Variants in IRAG2 observed in about 807,000 individuals in gnomAD.
IRAG2 encodes the protein inositol 1,4,5-triphosphate receptor associated 2.
IRAG2 carries 45 observed loss-of-function variants against 69.9 expected under a neutral mutation model. The observed-to-expected ratio is 0.64, with a 90% CI of 0.51 to 0.83. IRAG2 has a LOEUF of 0.83. Among genes scored for constraint, IRAG2 ranks in the 40% least tolerant of loss-of-function variants. The pLI is 0.00. For synonymous variants in IRAG2, 193 were observed against 202.4 expected, an observed-to-expected ratio of 0.95 and a Z score of 0.40; for missense variants, 520 against 587.0, an observed-to-expected ratio of 0.89 and a Z score of 1.18.
chr12:25,039,165 T>A (rs1944726880), intron 16 of IRAG2, among the ~76,000 whole-genome samples: 1 of 152,186 alleles, frequency 6.6e-6, no homozygotes, highest in African/African-American at 2.4e-5. Flanking sequence ...TGAACACAGG[T>A]ATATATTTCA....
At chr12:25,047,772 C>T (rs1944807876), upstream of IRAG2, among the ~76,000 whole-genome samples, 1 of 152,140 alleles carries the variant, frequency 6.6e-6, no homozygotes, top group South Asian at 2.1e-4. Context: ...CCATCCATGT[C>T]CCTGCAAAGG....
At chr12:25,005,242 A>T in exon 2 of IRAG2, 8 of 1,216,216 alleles carry the variant, frequency 6.6e-6, no homozygotes, top group Non-Finnish European at 8.2e-6. Context: ...TTCTAATAGG[A>T]TGGAAACAAG....
In IRAG2 at chr12:25,104,496, A is replaced by G. The variant is rs566749690; in HGVS notation, c.1148+34A>G. 63 of 1,161,814 alleles carry G rather than the reference A, an allele frequency of 5.4e-5. No homozygotes were observed. In the African/African-American group the frequency reaches 8.4e-4, roughly 15 times the overall value. The allele number at this position is 1,161,814 out of a possible 1,614,324, so 72.0% of individuals were successfully genotyped here. A position where few individuals can be genotyped will look rare whatever the true frequency, so the allele number is the denominator to read the frequency against. Reference sequence around the variant, plus strand: ...AGCTCAGTGTGTTTATTAACCTGACATGAACTGGGGCATAAACAATGGGAA... The same window carrying G: ...AGCTCAGTGTGTTTATTAACCTGACGTGAACTGGGGCATAAACAATGGGAA... On this transcript the variant is annotated intron_variant, in intron 20 of 21. Coordinates refer to ENST00000556887, the MANE Select transcript of IRAG2 (RefSeq NM_001366544.2).
At chr12:25,056,550 T>C (rs1945270924) in intron 1 of IRAG2, among the ~76,000 whole-genome samples, 1 of 152,214 alleles carries the variant, frequency 6.6e-6, no homozygotes, top group African/African-American at 2.4e-5. Context: ...GTATCCTCTT[T>C]GGTTAAATGC....
In IRAG2 at chr12:25,079,360, C is replaced by A. The variant is rs771368225; in HGVS notation, c.72-38C>A. 8.1e-6 allele frequency: 13 copies of A among 1,605,914 alleles called. No homozygotes were observed. The South Asian group carries it at 1.2e-4, about 15-fold the overall frequency. On this transcript the variant is annotated intron_variant, in intron 7 of 21. Coordinates refer to ENST00000556887, the MANE Select transcript of IRAG2 (RefSeq NM_001366544.2). ...GTTGGTTTTAAGAGAATTATTTGGA[C>A]CTGACATTCCAAAACATGTTTGCTA...
At chr12:25,033,465 G>A (rs1027157267) in intron 12 of IRAG2, among the ~76,000 whole-genome samples, 8 of 152,196 alleles carry the variant, frequency 5.3e-5, no homozygotes, top group African/African-American at 1.2e-4. Context: ...GTGCATTACC[G>A]ATATAAAGGC....
exon 1 of IRAG2, chr12:25,004,530 A>T (rs1018833679): frequency 8.1e-7 from 1 of 1,232,060 alleles, no homozygotes; most frequent in Admixed American, 4.2e-5. Flanking sequence ...TACTGAGGAA[A>T]ATGACTGCTG....
At chr12:25,004,317 C>T (rs754282247), upstream of IRAG2, 3 of 1,229,500 alleles carry the variant, frequency 2.4e-6, no homozygotes, top group Non-Finnish European at 3.0e-6. Context: ...GCCACTTCAT[C>T]TGTATACTAG....
intron 6 of IRAG2, among the ~76,000 whole-genome samples, chr12:25,076,044 T>G (rs1946670235): frequency 6.6e-6 from 1 of 152,102 alleles, no homozygotes; most frequent in African/African-American, 2.4e-5. Flanking sequence ...ATCTCCAGCT[T>G]TCATGAACTG....
chr12:25,048,068 T>C (rs186508813), upstream of IRAG2, among the ~76,000 whole-genome samples: 13 of 152,334 alleles, frequency 8.5e-5, no homozygotes, highest in Admixed American at 8.5e-4. Flanking sequence ...GGAACTAATT[T>C]ATACCCCACC....
At chr12:25,003,579 A>C (rs935038424), upstream of IRAG2, among the ~76,000 whole-genome samples, 2 of 152,156 alleles carry the variant, frequency 1.3e-5, no homozygotes, top group African/African-American at 2.4e-5. Context: ...GAATTACTAT[A>C]AGAAGTGAGA....
chr12:25,021,500 T>C (rs2139836017), intron 7 of IRAG2, among the ~76,000 whole-genome samples: 1 of 152,326 alleles, frequency 6.6e-6, no homozygotes, highest in African/African-American at 2.4e-5. Flanking sequence ...AGAAGCTCCA[T>C]AAATCATTCC....
chr12:25,064,847 T>C (rs1945864972), intron 4 of IRAG2, among the ~76,000 whole-genome samples: 1 of 152,178 alleles, frequency 6.6e-6, no homozygotes, highest in South Asian at 2.1e-4. Context: ...TCCTGCACTT[T>C]GGGAGGCCGA....
rs139930732 is a variant in IRAG2, at chr12:25,045,908, A to T, written c.2145-6327A>T. Among the ~76,000 whole-genome samples the T allele has an allele frequency of 1.9e-3, 282 of 151,832 alleles. 4 individuals carry two copies. The highest frequency in any genetic ancestry group is 6.4e-3 in the African/African-American group (267 of 41,516). On this transcript the variant is annotated intron_variant, in intron 16 of 38. Coordinates refer to the IRAG2 transcript ENST00000636465. ...GGTACACTTACAAATTCATTTCATG[A>T]GGCCAGCATTATCCTGATACCAAAG...
chr12:25,057,591 C>T (rs76124376), intron 1 of IRAG2, among the ~76,000 whole-genome samples: 2,236 of 152,170 alleles, frequency 0.015, 43 homozygotes, highest in African/African-American at 0.051. Flanking sequence ...CTTCTTAACC[C>T]TATTTCTCTC....
rs1591934183 is a variant in IRAG2, at chr12:25,038,273, T to G, written c.2144+136T>G. 3 of 392,776 alleles carry G rather than the reference T, an allele frequency of 7.6e-6. No homozygotes were observed. The East Asian group carries it at 1.1e-4, about 14-fold the overall frequency. 24.3% of individuals were successfully genotyped at this position (392,776 alleles called of 1,614,324 possible). A position where few individuals can be genotyped will look rare whatever the true frequency, so the allele number is the denominator to read the frequency against. On this transcript the variant is annotated intron_variant, in intron 16 of 38. Coordinates refer to the IRAG2 transcript ENST00000636465. ...GATACTTTTTTCAGAGAAGATATTCTGTTTGATAATTCTGAATTGTAAAAT... is the reference window on the plus strand; with the variant it reads ...GATACTTTTTTCAGAGAAGATATTCGGTTTGATAATTCTGAATTGTAAAAT...
chr12:25,105,076 T>G (rs1055449531), intron 20 of IRAG2, among the ~76,000 whole-genome samples: 1 of 143,520 alleles, frequency 7.0e-6, no homozygotes, highest in Non-Finnish European at 1.5e-5. Context: ...TCTCAGTTTT[T>G]TTTTTTTTTT....
intron 1 of IRAG2, among the ~76,000 whole-genome samples, chr12:25,053,295 T>A (rs1944974261): frequency 6.6e-6 from 1 of 151,580 alleles, no homozygotes; most frequent in East Asian, 1.9e-4. Context: ...AACTTGCAAG[T>A]TGTTATATAT....
At chr12:25,005,175 A>T in intron 1 of IRAG2, 1 of 877,826 alleles carries the variant, frequency 1.1e-6, no homozygotes, top group East Asian at 3.3e-5. Flanking sequence ...AACCAAAAAA[A>T]AAAAAGGAAA....
Sources: allele counts gnomAD v4.1 joint callset (sites outside exome capture counted in the v4.1 genomes callset), GRCh38; gene constraint gnomAD v4.1.1; transcripts MANE v1.5; gene names NCBI Gene and HGNC (gene_info 2026-07-23, HGNC 2026-07-21).